Variants in OARD1 observed in about 807,000 individuals in gnomAD.
OARD1 encodes the protein O-acyl-ADP-ribose deacylase 1, also known as ADP-ribose glycohydrolase OARD1.
Under a neutral mutation model 19.7 loss-of-function variants are expected in OARD1, and 19 were observed. The observed-to-expected ratio is 0.96, with a 90% CI of 0.67 to 1.41. The LOEUF (loss-of-function observed/expected upper bound fraction) is 1.41. Among genes scored for constraint, OARD1 ranks in the 40% most tolerant of loss-of-function variants. OARD1 has a pLI of 0.00. For synonymous variants in OARD1, 70 were observed against 61.8 expected (o/e 1.13, Z -0.62); for missense variants, 190 against 183.8 (o/e 1.03, Z -0.20).
chr6:41,090,391 G>T, intron 1 of OARD1: 1 of 759,934 alleles, frequency 1.3e-6, no homozygotes, highest in South Asian at 1.6e-5. Context: ...TAGAATTTGA[G>T]TGGTGAACTT....
At chr6:41,095,463 A>G (rs1764323165) in intron 1 of OARD1, among the ~76,000 whole-genome samples, 1 of 152,152 alleles carries the variant, frequency 6.6e-6, no homozygotes. Context: ...ATGTTCTTAC[A>G]ACATCTTTTC....
rs754069983 is a variant in OARD1 at position 41,071,656 on chromosome 6, G to C, written c.-22C>G. Reference sequence around the variant, plus strand: ...CCATGATACTGAGTCGCTATTTCCAGAATTTAAGTGTTTCTTCAGCTATGA... The same window carrying C: ...CCATGATACTGAGTCGCTATTTCCACAATTTAAGTGTTTCTTCAGCTATGA... On this transcript the variant is annotated 5_prime_UTR_variant, in exon 2 of 6. Transcript: ENST00000424266. The C allele has an allele frequency of 2.5e-5, 40 of 1,607,140 alleles. No homozygotes were observed. The highest frequency in any genetic ancestry group is 1.7e-5 in the Admixed American group (1 of 59,984).
intron 1 of OARD1, chr6:41,090,378 C>A: frequency 1.1e-6 from 1 of 892,374 alleles, no homozygotes; most frequent in Non-Finnish European, 1.8e-6. Context: ...CAACTGACAT[C>A]TTTAGAATTT....
chr6:41,087,067 G>A (rs1332848070), intron 1 of OARD1, among the ~76,000 whole-genome samples: 1 of 152,076 alleles, frequency 6.6e-6, no homozygotes, highest in Non-Finnish European at 1.5e-5. Context: ...TTTGTATTCA[G>A]AATATGTATA....
At chr6:41,074,073 C>T (rs940930433), upstream of OARD1, among the ~76,000 whole-genome samples, 1 of 152,216 alleles carries the variant, frequency 6.6e-6, no homozygotes, top group Non-Finnish European at 1.5e-5. Context: ...TTTGTGAAAT[C>T]TCCCTCCCTT....
At position 41,071,221 on chromosome 6, in the gene OARD1, T is replaced by C. The variant is rs1763357741; in HGVS notation, c.95A>G (p.His32Arg). The C allele has an allele frequency of 1.2e-6, 2 of 1,614,106 alleles. No homozygotes were observed. Among genetic ancestry groups the C allele is most frequent in the Non-Finnish European group, 1.7e-6 (2 of 1,179,924 alleles). Reference protein sequence around the residue: ...FACPKTDSLAHCISEDCRMGA... With the variant: ...FACPKTDSLARCISEDCRMGA... ...CATGCGACAATCCTCACTGATACAG[T>C]GGGCTAAAGAGTCTGTTTTCGGGCA... is the stretch of plus-strand genomic sequence containing the variant. Residue 32 changes from histidine (H) to arginine (R), a missense_variant, in exon 3 of 6, where the codon CAC (histidine) becomes CGC (arginine). Transcript: ENST00000424266.
chr6:41,090,316 G>A (rs560914522), intron 1 of OARD1: 9 of 1,602,608 alleles, frequency 5.6e-6, no homozygotes, highest in Non-Finnish European at 7.7e-6. Context: ...CAAGGTAAGT[G>A]TACCCATAAG....
At chr6:41,094,931 T>C (rs1764306761) in intron 1 of OARD1, among the ~76,000 whole-genome samples, 1 of 152,366 alleles carries the variant, frequency 6.6e-6, no homozygotes, top group South Asian at 2.1e-4. Context: ...TTTATTTTTA[T>C]TGAACAGGTT....
intron 1 of OARD1, among the ~76,000 whole-genome samples, chr6:41,090,850 A>G (rs74599163): frequency 5.2e-4 from 79 of 152,386 alleles, no homozygotes; most frequent in African/African-American, 1.9e-3. Context: ...GGAGGAGTGC[A>G]GAAACTGAAC....
chr6:41,079,817 G>A (rs1185509351), intron 1 of OARD1, among the ~76,000 whole-genome samples: 1 of 152,196 alleles, frequency 6.6e-6, no homozygotes, highest in Non-Finnish European at 1.5e-5. Flanking sequence ...CTTAGGCCAA[G>A]ATTGATATTT....
At chr6:41,092,284 T>C (rs1275679452) in intron 1 of OARD1, among the ~76,000 whole-genome samples, 1 of 152,202 alleles carries the variant, frequency 6.6e-6, no homozygotes, top group Non-Finnish European at 1.5e-5. Context: ...CCTAGCTACT[T>C]GGGAGGCTAA....
At chr6:41,075,628 C>A (rs1459167291), upstream of OARD1, 1 of 151,906 alleles carries the variant, frequency 6.6e-6, no homozygotes, top group African/African-American at 2.4e-5. Flanking sequence ...ATTTGTAGTA[C>A]TTCACCTTCC....
Position 41,069,905 on chromosome 6 carries a change from C to G in OARD1, c.243+171G>C, listed in dbSNP as rs1561842916. On this transcript the variant is annotated intron_variant, in intron 4 of 5. Coordinates refer to ENST00000424266, the MANE Select transcript of OARD1 (RefSeq NM_001329686.2). ...CTTTCTAACCCAGTGCTCCAAGTAG[C>G]CGCCATCACTGGACTGGAGTTGTCA... is the stretch of plus-strand genomic sequence containing the variant. The G allele has an allele frequency of 7.4e-6, 5 of 673,874 alleles. No individual in the cohort carries two copies. In the East Asian group the frequency reaches 1.4e-4, roughly 19 times the overall value. The allele number at this position is 673,874 out of a possible 1,614,324, so 41.7% of individuals were successfully genotyped here.
intron 3 of OARD1, 105 bp from the exon 4 acceptor site, chr6:41,070,239 T>C (rs1763261965): frequency 8.5e-6 from 6 of 707,186 alleles, no homozygotes; most frequent in Non-Finnish European, 1.5e-5. Flanking sequence ...GAACTAGAAT[T>C]TTCAACACTG....
At chr6:41,094,830 T>C (rs1353102976) in intron 1 of OARD1, among the ~76,000 whole-genome samples, 2 of 152,212 alleles carry the variant, frequency 1.3e-5, no homozygotes, top group Non-Finnish European at 2.9e-5. Flanking sequence ...TCCCAGCTAC[T>C]TGGAGGGTTG....
intron 1 of OARD1, among the ~76,000 whole-genome samples, chr6:41,080,426 T>C (rs1490304705): frequency 6.6e-6 from 1 of 152,248 alleles, no homozygotes; most frequent in African/African-American, 2.4e-5. Context: ...CCAGAATTTT[T>C]TATGGTAGTT....
chr6:41,066,616 G>T lies in OARD1; in HGVS notation c.*719C>A, dbSNP rs1047154898. ...ATGCAGTGGACAAAAGAGAGAAAAA[G>T]TTCACCATGAGGAGATTCTAAAAAC... On this transcript the variant is annotated 3_prime_UTR_variant, in exon 6 of 6. Coordinates refer to ENST00000424266, the MANE Select transcript of OARD1 (RefSeq NM_001329686.2). 1 of 152,108 alleles carries T rather than the reference G, an allele frequency of 6.6e-6. No individual in the cohort carries two copies. Among genetic ancestry groups the T allele is most frequent in the Admixed American group, 6.5e-5 (1 of 15,278 alleles). 9.4% of individuals were successfully genotyped at this position (152,108 alleles called of 1,614,324 possible).
intron 1 of OARD1, among the ~76,000 whole-genome samples, chr6:41,088,711 A>G (rs1561854158): frequency 1.3e-5 from 2 of 151,588 alleles, no homozygotes; most frequent in African/African-American, 2.4e-5. Flanking sequence ...CAGTTCCCCA[A>G]GTAGCTGGGA....
chr6:41,069,938 G>A, intron 4 of OARD1, 138 bp downstream of exon 4: 1 of 741,786 alleles, frequency 1.3e-6, no homozygotes, highest in Non-Finnish European at 2.5e-6. Flanking sequence ...TCATAAGATA[G>A]GAAGCTTTTT....
Sources: gnomAD v4.1 joint callset for allele counts (sites outside exome capture counted in the v4.1 genomes callset) on GRCh38, gnomAD v4.1.1 for gene constraint, MANE v1.5 for transcripts, NCBI Gene and HGNC (gene_info 2026-07-23, HGNC 2026-07-21) for gene names.